The following PALLD variants were observed in gnomAD, a reference collection of about 807,000 sequenced individuals.
PALLD encodes the protein palladin.
A neutral mutation model predicts 123.5 loss-of-function variants in PALLD; 61 were observed. The ratio of observed to expected loss-of-function variants is 0.49; its 90% CI spans 0.40 to 0.61. PALLD has a LOEUF of 0.61. Among genes scored for constraint, PALLD ranks in the 20% least tolerant of loss-of-function variants. The pLI is 0.00. For missense variants in PALLD, 1,273 were observed against 1,377.0 expected (o/e 0.92, Z 1.20); for synonymous variants, 465 against 496.4 (o/e 0.94, Z 0.84).
intron 3 of PALLD, among the ~76,000 whole-genome samples, chr4:168,678,511 G>T (rs1055545005): frequency 2.0e-5 from 3 of 152,104 alleles, no homozygotes; most frequent in African/African-American, 7.2e-5. Context: ...GGAAGATAGC[G>T]TATCAAGAAA....
chr4:168,715,750 A>T (rs142214595), intron 10 of PALLD, among the ~76,000 whole-genome samples: 1 of 152,282 alleles, frequency 6.6e-6, no homozygotes, highest in East Asian at 1.9e-4. Flanking sequence ...GGAGATCGAG[A>T]CCATCCTGGC....
At chr4:168,583,575 G>C (rs998575857) in intron 2 of PALLD, among the ~76,000 whole-genome samples, 1 of 152,056 alleles carries the variant, frequency 6.6e-6, no homozygotes, top group African/African-American at 2.4e-5. Context: ...TCCTAGTCTG[G>C]GTTCCTCTGG....
intron 2 of PALLD, among the ~76,000 whole-genome samples, chr4:168,539,656 C>T (rs989697792): frequency 2.0e-5 from 3 of 151,940 alleles, no homozygotes; most frequent in South Asian, 4.1e-4. Flanking sequence ...AGGCCTCTCA[C>T]AATTTCTTTT....
At chr4:168,863,502 G>C (rs1253681922) in intron 10 of PALLD, among the ~76,000 whole-genome samples, 2 of 152,114 alleles carry the variant, frequency 1.3e-5, no homozygotes, top group African/African-American at 4.8e-5. Flanking sequence ...AGGCAAAGAG[G>C]GCCCCTGTCC....
At chr4:168,509,201 C>T in intron 1 of PALLD, among the ~76,000 whole-genome samples, 1 of 152,078 alleles carries the variant, frequency 6.6e-6, no homozygotes, top group East Asian at 1.9e-4. Flanking sequence ...AGTAGAAATG[C>T]TATAGTTTTC....
intron 10 of PALLD, among the ~76,000 whole-genome samples, chr4:168,734,155 G>A (rs1317091001): frequency 2.0e-5 from 3 of 152,120 alleles, no homozygotes; most frequent in Non-Finnish European, 4.4e-5. Flanking sequence ...GCCTATCTAG[G>A]ATTTGAATTG....
intron 14 of PALLD, among the ~76,000 whole-genome samples, chr4:168,899,071 G>T (rs1250966502): frequency 3.3e-5 from 5 of 152,188 alleles, no homozygotes; most frequent in African/African-American, 1.2e-4. Context: ...GCCTGCATAT[G>T]AACCCAGTGC....
At chr4:168,904,566 A>G (rs141940358) in intron 15 of PALLD, among the ~76,000 whole-genome samples, 11 of 152,288 alleles carry the variant, frequency 7.2e-5, no homozygotes, top group Admixed American at 1.3e-4. Context: ...TATGCTGGAT[A>G]TAGGGGATAC....
chr4:168,814,030 C>T (rs1258519415), intron 10 of PALLD, among the ~76,000 whole-genome samples: 1 of 152,026 alleles, frequency 6.6e-6, no homozygotes, highest in African/African-American at 2.4e-5. Context: ...ACTCTGAATT[C>T]GATAGAGACA....
At chr4:168,547,716 G>A (rs189730760) in intron 2 of PALLD, among the ~76,000 whole-genome samples, 84 of 151,890 alleles carry the variant, frequency 5.5e-4, no homozygotes, top group African/African-American at 1.9e-3. Flanking sequence ...TTGGGAGGCC[G>A]AGGCGGGCAG....
chr4:168,604,664 A>G (rs1772990459), intron 2 of PALLD, among the ~76,000 whole-genome samples: 1 of 152,240 alleles, frequency 6.6e-6, no homozygotes, highest in Non-Finnish European at 1.5e-5. Flanking sequence ...AGAAAGTTAC[A>G]TAAAGTGCAT....
chr4:168,666,874 C>T (rs2150006992), intron 2 of PALLD, among the ~76,000 whole-genome samples: 1 of 152,254 alleles, frequency 6.6e-6, no homozygotes, highest in South Asian at 2.1e-4. Context: ...TGGAGGATGA[C>T]TCTGGGCTGG....
intron 2 of PALLD, among the ~76,000 whole-genome samples, chr4:168,609,184 G>T (rs1000425225): frequency 1.3e-5 from 2 of 151,876 alleles, no homozygotes; most frequent in Admixed American, 6.6e-5. Flanking sequence ...AGCCCAATTT[G>T]CAGTGGCTTA....
intron 2 of PALLD, among the ~76,000 whole-genome samples, chr4:168,620,282 C>T (rs943520831): frequency 1.3e-4 from 20 of 152,260 alleles, no homozygotes; most frequent in South Asian, 1.0e-3. Flanking sequence ...TGGTGAAACC[C>T]TGTCTCTACT....
chr4:168,788,906 C>T (rs565319826), intron 10 of PALLD, among the ~76,000 whole-genome samples: 319 of 152,144 alleles, frequency 2.1e-3, no homozygotes, highest in Non-Finnish European at 3.3e-3. Context: ...ACATATACTA[C>T]CACCCAGATC....
At chr4:168,704,529 G>GGGCCTAGT (rs1334839219) in intron 8 of PALLD, among the ~76,000 whole-genome samples, 46 of 151,826 alleles carry the variant, frequency 3.0e-4, no homozygotes, top group Non-Finnish European at 6.0e-4. Context: ...AAAATTAGCC[G>GGGCCTAGT]GGCGGGCGCC....
At chr4:168,509,481 A>G (rs1319437445) in intron 1 of PALLD, among the ~76,000 whole-genome samples, 1 of 152,226 alleles carries the variant, frequency 6.6e-6, no homozygotes, top group Admixed American at 6.5e-5. Flanking sequence ...AATACATTCA[A>G]GTATTAAAAA....
At chr4:168,689,709 A>G (rs1368153301) in intron 6 of PALLD, among the ~76,000 whole-genome samples, 2 of 152,026 alleles carry the variant, frequency 1.3e-5, no homozygotes, top group African/African-American at 4.8e-5. Context: ...TGGCCTCCCA[A>G]AGAGCTGGAA....
At chr4:168,603,958 G>T (rs912964675) in intron 2 of PALLD, among the ~76,000 whole-genome samples, 1 of 152,200 alleles carries the variant, frequency 6.6e-6, no homozygotes, top group Non-Finnish European at 1.5e-5. Context: ...ACATACTTGA[G>T]TATAAATCCC....
Sources: gnomAD v4.1 joint callset for allele counts (sites outside exome capture counted in the v4.1 genomes callset) on GRCh38, gnomAD v4.1.1 for gene constraint, MANE v1.5 for transcripts, NCBI Gene and HGNC (gene_info 2026-07-23, HGNC 2026-07-21) for gene names.